Variants in PRDM10 observed in about 807,000 individuals in gnomAD.
PRDM10 encodes PR domain zinc finger protein 10.
Under a neutral mutation model 133.1 loss-of-function variants are expected in PRDM10, and 65 were observed. The observed-to-expected ratio is 0.49, with a 90% CI of 0.40 to 0.60. PRDM10 has a LOEUF of 0.60. Among genes scored for constraint, PRDM10 ranks in the 20% least tolerant of loss-of-function variants. The probability of loss-of-function intolerance (pLI) is 0.00; values close to 1 mark genes in which losing one functional copy is unlikely to be tolerated. For synonymous variants in PRDM10, 582 were observed against 580.4 expected, an observed-to-expected ratio of 1.00 and a Z score of -0.04; for missense variants, 1,137 against 1,507.1, an observed-to-expected ratio of 0.75 and a Z score of 4.07.
chr11:129,938,513 A>G (rs7924347), intron 7 of PRDM10, among the ~76,000 whole-genome samples: 92,036 of 151,936 alleles, frequency 0.61, 30,515 homozygotes, highest in African/African-American at 0.9. Flanking sequence ...ATTGTTCTCC[A>G]TCCCCGCTTT....
At chr11:129,968,812 G>A (rs1019775313) in intron 1 of PRDM10, among the ~76,000 whole-genome samples, 6 of 152,154 alleles carry the variant, frequency 3.9e-5, no homozygotes, top group Non-Finnish European at 8.8e-5. Flanking sequence ...GGGGTAAAAT[G>A]TGGCAAAAAT....
intron 17 of PRDM10, among the ~76,000 whole-genome samples, chr11:129,913,803 A>G (rs1473773459): frequency 6.6e-6 from 1 of 152,230 alleles, no homozygotes; most frequent in Non-Finnish European, 1.5e-5. Context: ...TTAAATTTTC[A>G]GAGACCAAAT....
At chr11:129,949,957 C>CT (rs1951540222) in intron 4 of PRDM10, among the ~76,000 whole-genome samples, 2 of 107,776 alleles carry the variant, frequency 1.9e-5, no homozygotes, top group Non-Finnish European at 3.7e-5. Context: ...AAAAAGAGGC[C>CT]AGGCGTGATG....
chr11:129,919,160 C>A (rs528085883), intron 13 of PRDM10, among the ~76,000 whole-genome samples: 4 of 152,258 alleles, frequency 2.6e-5, no homozygotes, highest in Non-Finnish European at 5.9e-5. Context: ...CACCTGAGGT[C>A]AGGAGTTTGA....
At chr11:129,932,314 C>T (rs1451030413) in intron 9 of PRDM10, 83 bp from the exon 10 acceptor site, 2 of 1,511,816 alleles carry the variant, frequency 1.3e-6, no homozygotes, top group African/African-American at 1.4e-5. Context: ...TCCTTACTAA[C>T]CCCAGAGTTT....
At chr11:129,956,299 G>A (rs1951696135) in intron 3 of PRDM10, among the ~76,000 whole-genome samples, 1 of 152,226 alleles carries the variant, frequency 6.6e-6, no homozygotes, top group Admixed American at 6.5e-5. Flanking sequence ...TGGGCGCGGT[G>A]ACTCACGCCT....
chr11:129,969,380 TCAGA>T (rs957858759), intron 1 of PRDM10, among the ~76,000 whole-genome samples: 59 of 152,314 alleles, frequency 3.9e-4, no homozygotes, highest in African/African-American at 1.3e-3. Flanking sequence ...GTCTTTGGAA[TCAGA>T]CAGCCTAGCT....
intron 1 of PRDM10, among the ~76,000 whole-genome samples, chr11:130,001,880 CT>C (rs1376291394): frequency 6.6e-6 from 1 of 151,890 alleles, no homozygotes; most frequent in African/African-American, 2.4e-5. Flanking sequence ...CGGCCTCGGC[CT>C]CCGCCTCCGC....
intron 1 of PRDM10, among the ~76,000 whole-genome samples, chr11:129,985,986 C>T (rs1235041885): frequency 5.3e-5 from 8 of 151,602 alleles, no homozygotes; most frequent in Admixed American, 1.3e-4. Context: ...CCAGTGCTTC[C>T]GTTCTTAGTG....
chr11:129,980,322 C>G (rs1416715257), intron 1 of PRDM10, among the ~76,000 whole-genome samples: 1 of 152,170 alleles, frequency 6.6e-6, no homozygotes, highest in Non-Finnish European at 1.5e-5. Flanking sequence ...GAGTCTCCGA[C>G]CTTGACCCCC....
intron 7 of PRDM10, among the ~76,000 whole-genome samples, chr11:129,938,415 C>T (rs1382071174): frequency 6.6e-6 from 1 of 152,224 alleles, no homozygotes; most frequent in Admixed American, 6.5e-5. Flanking sequence ...ATACCTTCCA[C>T]CCAGTTGCTC....
At chr11:129,968,488 A>C (rs183950151) in intron 1 of PRDM10, among the ~76,000 whole-genome samples, 70 of 152,198 alleles carry the variant, frequency 4.6e-4, no homozygotes, top group African/African-American at 1.7e-3. Context: ...GGACCAGGGA[A>C]CAGCCCAGAC....
intron 1 of PRDM10, among the ~76,000 whole-genome samples, chr11:129,963,069 A>C (rs1402792264): frequency 6.6e-6 from 1 of 151,242 alleles, no homozygotes; most frequent in African/African-American, 2.4e-5. Flanking sequence ...GGATCGCTTG[A>C]GTCTGGGAGG....
intron 1 of PRDM10, among the ~76,000 whole-genome samples, chr11:129,990,699 G>A (rs896560908): frequency 2.0e-5 from 3 of 151,880 alleles, no homozygotes; most frequent in Non-Finnish European, 2.9e-5. Flanking sequence ...TCTAACTCCC[G>A]GCCTCAAAGT....
At chr11:129,906,713 C>A (rs115892383) in intron 19 of PRDM10, among the ~76,000 whole-genome samples, 1,552 of 152,288 alleles carry the variant, frequency 0.01, 23 homozygotes, top group African/African-American at 0.036. Flanking sequence ...CACATGGACT[C>A]ATTCCTGTAA....
intron 13 of PRDM10, among the ~76,000 whole-genome samples, chr11:129,920,722 C>T (rs1950499977): frequency 6.6e-6 from 1 of 151,938 alleles, no homozygotes; most frequent in South Asian, 2.1e-4. Flanking sequence ...AGCTGGCAAA[C>T]TGTTTCCCAC....
At position 129,936,668 on chromosome 11, in the gene PRDM10, T is replaced by C. The variant is rs73575395; in HGVS notation, c.1039+930A>G. ...ACTCCATTTCAAAAAAAAAAAAGAA[T>C]AGTGCTTTTCCGAGTTCTGTGAGTC... On this transcript the variant is annotated intron_variant, in intron 8 of 20. Transcript: ENST00000360871. Among the ~76,000 whole-genome samples the C allele has an allele frequency of 8.6e-5, 13 of 151,310 alleles. No homozygotes were observed. In the South Asian group the frequency reaches 1.5e-3, roughly 17 times the overall value.
chr11:129,920,388 G>T (rs1950488867), intron 13 of PRDM10, among the ~76,000 whole-genome samples: 3 of 152,106 alleles, frequency 2.0e-5, no homozygotes, highest in African/African-American at 7.2e-5. Context: ...CTCTCAAGCT[G>T]CAAATCTCCA....
intron 4 of PRDM10, among the ~76,000 whole-genome samples, chr11:129,951,365 G>A (rs772941360): frequency 2.0e-5 from 3 of 152,082 alleles, no homozygotes; most frequent in Non-Finnish European, 4.4e-5. Context: ...AGCGGTAAAC[G>A]TCACCCACGC....
Sources: allele counts gnomAD v4.1 joint callset (sites outside exome capture counted in the v4.1 genomes callset), GRCh38; gene constraint gnomAD v4.1.1; transcripts MANE v1.5; gene names NCBI Gene and HGNC (gene_info 2026-07-23, HGNC 2026-07-21).